Variants in RASIP1 observed in about 807,000 individuals in gnomAD.
RASIP1 encodes the protein ras-interacting protein 1.
In RASIP1, 20 loss-of-function variants were observed where a neutral mutation model predicts 85.3. That is an observed-to-expected ratio of 0.23 (90% confidence interval 0.17 to 0.34). The LOEUF (loss-of-function observed/expected upper bound fraction) is 0.34, where lower values mean the gene tolerates loss of function less well. Among genes scored for constraint, RASIP1 ranks in the 10% least tolerant of loss-of-function variants. RASIP1 has a pLI of 1.00. For missense variants in RASIP1, 1,170 were observed against 1,390.9 expected (o/e 0.84, Z 2.53); for synonymous variants, 617 against 647.1 (o/e 0.95, Z 0.71).
At chr19:48,729,931 T>C (rs1386167555) in intron 4 of RASIP1, among the ~76,000 whole-genome samples, 1 of 151,772 alleles carries the variant, frequency 6.6e-6, no homozygotes, top group Non-Finnish European at 1.5e-5. Context: ...GCCAGGCTGG[T>C]CTTAAACTCC....
chr19:48,730,150 C>T (rs996226332), intron 4 of RASIP1, among the ~76,000 whole-genome samples: 1 of 151,502 alleles, frequency 6.6e-6, no homozygotes, highest in African/African-American at 2.4e-5. Context: ...TCCCGAAGAC[C>T]GGCTATGTAC....
Position 48,740,130 on chromosome 19 carries a change from C to A in RASIP1, c.137+16G>T. On this transcript the variant is annotated intron_variant, in intron 2 of 11. Coordinates refer to ENST00000222145, the MANE Select transcript of RASIP1 (RefSeq NM_017805.3). The surrounding 1 kb of genome is among the most constrained non-coding windows in gnomAD (Gnocchi z 5.5). ...CAGGTGTGCAGGGGCAGGAGTCCTG[C>A]AGAGATGGCACTCACTTGACAGAGG... 1 of 1,579,580 alleles carries A rather than the reference C, an allele frequency of 6.3e-7. No homozygotes were observed. The highest frequency in any genetic ancestry group is 8.6e-7 in the Non-Finnish European group (1 of 1,167,076).
rs763957369 is a variant in RASIP1 at position 48,735,448 on chromosome 19, T to C, written c.927A>G (p.Pro309=). The part of the protein sequence containing the change: ...SPGPGTGSGA[P]AGSGGKERSE... ...AGCGCTCCTTGCCTCCAGACCCAGCTGGGGCCCCTGATCCGGTCCCCGGGC... is the reference window on the plus strand; with the variant it reads ...AGCGCTCCTTGCCTCCAGACCCAGCCGGGGCCCCTGATCCGGTCCCCGGGC... The change falls in exon 4 of 12, where the codon CCA becomes CCG. Residue 309 remains proline, a synonymous_variant. Transcript: ENST00000222145. 126 of 1,597,884 alleles carry C rather than the reference T, an allele frequency of 7.9e-5. No individual in the cohort carries two copies. In the Admixed American group the frequency reaches 2.0e-3, roughly 25 times the overall value.
chr19:48,731,472 G>A (rs756488916), intron 4 of RASIP1, among the ~76,000 whole-genome samples: 11 of 152,080 alleles, frequency 7.2e-5, no homozygotes, highest in Non-Finnish European at 1.3e-4. Flanking sequence ...GGGCTCTTCT[G>A]GTCATTCCAC....
intron 3 of RASIP1, 100 bp from the exon 4 acceptor site, chr19:48,735,651 G>A: frequency 8.5e-7 from 1 of 1,175,670 alleles, no homozygotes; most frequent in Non-Finnish European, 1.2e-6. Context: ...GAGAGGTGAG[G>A]CTGCTTCCCA....
Position 48,740,095 on chromosome 19 carries a change from A to G in RASIP1, c.137+51T>C, listed in dbSNP as rs1422580461. The G allele has an allele frequency of 2.0e-6, 3 of 1,519,310 alleles. No homozygotes were observed. Among genetic ancestry groups the G allele is most frequent in the Admixed American group, 4.6e-5 (2 of 43,828 alleles). The allele number at this position is 1,519,310 out of a possible 1,614,324, so 94.1% of individuals were successfully genotyped here. On this transcript the variant is annotated intron_variant, in intron 2 of 11. Coordinates refer to ENST00000222145, the MANE Select transcript of RASIP1 (RefSeq NM_017805.3). The surrounding 1 kb of genome is among the most constrained non-coding windows in gnomAD (Gnocchi z 5.5). ...CAGGGACTGGGCAGTGAACAGGGAC[A>G]GATGGGAAGCAGGTGTGCAGGGGCA...
Position 48,739,735 on chromosome 19 carries a change from G to A in RASIP1, c.138-90C>T, listed in dbSNP as rs1599752260. The A allele has an allele frequency of 3.2e-6, 4 of 1,234,130 alleles. No homozygotes were observed. The African/African-American group carries it at 4.9e-5, about 15-fold the overall frequency. The allele number at this position is 1,234,130 out of a possible 1,614,324, so 76.4% of individuals were successfully genotyped here. A position where few individuals can be genotyped will look rare whatever the true frequency, so the allele number is the denominator to read the frequency against. ...TGGGGGCATATTAGGAGGGAAGTGGGCAGAGACCCAGAGGGAGGACAGGGA... is the reference window on the plus strand; with the variant it reads ...TGGGGGCATATTAGGAGGGAAGTGGACAGAGACCCAGAGGGAGGACAGGGA... On this transcript the variant is annotated intron_variant, in intron 2 of 11. Coordinates refer to ENST00000222145, the MANE Select transcript of RASIP1 (RefSeq NM_017805.3). This position sits in a 1 kb window ranked among gnomAD's most constrained non-coding sequence, Gnocchi z 9.2.
intron 8 of RASIP1, 71 bp from the exon 9 acceptor site, chr19:48,725,031 TGAA>T: frequency 6.5e-7 from 1 of 1,544,154 alleles, no homozygotes; most frequent in Non-Finnish European, 8.8e-7. Context: ...TAATAGAGCA[TGAA>T]GATAGTGGGG....
chr19:48,731,435 A>C (rs463631), intron 4 of RASIP1, among the ~76,000 whole-genome samples: 1 of 152,186 alleles, frequency 6.6e-6, no homozygotes, highest in South Asian at 2.1e-4. Flanking sequence ...CCCAAAAAGG[A>C]CATCTCCAAA....
At chr19:48,721,093 A>G in intron 11 of RASIP1, 96 bp from the exon 12 acceptor site, 2 of 1,089,920 alleles carry the variant, frequency 1.8e-6, no homozygotes, top group East Asian at 2.6e-5. Flanking sequence ...AAAGGAAGAA[A>G]AAAACTACAA....
rs770731549 is a variant in RASIP1, at chr19:48,729,396, G to A, written c.1374C>T (p.Val458=). The A allele has an allele frequency of 6.4e-7, 1 of 1,555,984 alleles. No homozygotes were observed. The highest frequency in any genetic ancestry group is 8.7e-7 in the Non-Finnish European group (1 of 1,150,110). ...GCAGCAGGAGGCACCCGTTGTGCGTGACTGGGGCGCCCCGGGACGGGCGCA... is the reference window on the plus strand; with the variant it reads ...GCAGCAGGAGGCACCCGTTGTGCGTAACTGGGGCGCCCCGGGACGGGCGCA... ...AMVRPSRGAP[V]THNGCLLLRE... The change falls in exon 5 of 12, where the codon GTC becomes GTT. Residue 458 remains valine (V), a synonymous_variant. Transcript: ENST00000222145.
In RASIP1 at chr19:48,739,047, G is replaced by A. The variant is rs1307415778; in HGVS notation, c.736C>T (p.Pro246Ser). Reference sequence around the variant, plus strand: ...AACTCGAAGCGCCGCGCCCAGCCGGGCCGCGCCCGCCACAGCTCCTGCACC... The same window carrying A: ...AACTCGAAGCGCCGCGCCCAGCCGGACCGCGCCCGCCACAGCTCCTGCACC... Reference protein sequence around the residue: ...LLVQELWRARPGWARRFELRG... With the variant: ...LLVQELWRARSGWARRFELRG... Residue 246 changes from proline to serine, a missense_variant, in exon 3 of 12, where the codon CCC becomes TCC. Around this residue, in one of 4 missense-constraint regions of RASIP1, gnomAD observed 299 missense variants for 394.4 expected, o/e 0.76. Coordinates refer to ENST00000222145, the MANE Select transcript of RASIP1 (RefSeq NM_017805.3). The surrounding 1 kb of genome is among the most constrained non-coding windows in gnomAD (Gnocchi z 9.2). 8.0e-7 allele frequency: 1 copy of A among 1,248,876 alleles called. No homozygotes were observed. The highest frequency in any genetic ancestry group is 3.1e-5 in the South Asian group (1 of 31,966). The allele number at this position is 1,248,876 out of a possible 1,614,324, so 77.4% of individuals were successfully genotyped here.
intron 11 of RASIP1, 63 bp downstream of exon 11, chr19:48,721,791 A>G (rs2033251498): frequency 3.3e-6 from 5 of 1,526,834 alleles, no homozygotes; most frequent in Non-Finnish European, 3.5e-6. Flanking sequence ...TGACAGGGCG[A>G]GACTCCGTCT....
In RASIP1 at chr19:48,729,162, G is replaced by A. The variant is rs1001108060; in HGVS notation, c.1608C>T (p.Ala536=). The change falls in exon 5 of 12, where the codon GCC becomes GCT. Residue 536 remains alanine (A), a synonymous_variant. Transcript: ENST00000222145. ...GLQERGEALA[A]YLDGREPVLR... is the part of the protein sequence containing the mutation. ...GGACTGGCTCACGGCCGTCCAGGTAGGCGGCCAGTGCCTCGCCGCGCTCCT... is the reference window on the plus strand; with the variant it reads ...GGACTGGCTCACGGCCGTCCAGGTAAGCGGCCAGTGCCTCGCCGCGCTCCT... 15 of 1,307,974 alleles carry A rather than the reference G, an allele frequency of 1.1e-5. No individual in the cohort carries two copies. In the East Asian group the frequency reaches 2.6e-4, roughly 22 times the overall value. The allele number at this position is 1,307,974 out of a possible 1,614,324, so 81.0% of individuals were successfully genotyped here.
chr19:48,729,529 G>T lies in RASIP1; in HGVS notation c.1241C>A (p.Ser414Tyr). Residue 414 changes from serine to tyrosine, a missense_variant, in exon 5 of 12, where the codon TCT becomes TAT. Ser to Tyr is a moderately radical substitution (Grantham distance 144). Coordinates refer to ENST00000222145, the MANE Select transcript of RASIP1 (RefSeq NM_017805.3). ...QHVFGRGGNS[S>Y]GRGGSPAPYV... ...GGGAGCCGGGGACCCCCCGCGGCCA[G>T]ACGAGTTCCCACCTCGCCCAAACAC... is the stretch of plus-strand genomic sequence containing the variant. 6.2e-7 allele frequency: 1 copy of T among 1,601,292 alleles called. No individual in the cohort carries two copies. Among genetic ancestry groups the T allele is most frequent in the East Asian group, 2.3e-5 (1 of 44,112 alleles).
At position 48,738,963 on chromosome 19, in the gene RASIP1, C is replaced by T. The variant is rs1275811796; in HGVS notation, c.820G>A (p.Glu274Lys). The T allele has an allele frequency of 2.5e-6, 3 of 1,190,992 alleles. No individual in the cohort carries two copies. The highest frequency in any genetic ancestry group is 3.1e-6 in the Non-Finnish European group (3 of 963,144). The allele number at this position is 1,190,992 out of a possible 1,614,324, so 73.8% of individuals were successfully genotyped here. Residue 274 changes from glutamate to lysine, a missense_variant, in exon 3 of 12, where the codon GAA (glutamate) becomes AAA (lysine). Glu to Lys is a moderately conservative substitution (Grantham distance 56). Around this residue, in one of 4 missense-constraint regions of RASIP1, gnomAD observed 301 missense variants for 294.8 expected, o/e 1.02. Coordinates refer to ENST00000222145, the MANE Select transcript of RASIP1 (RefSeq NM_017805.3). The surrounding 1 kb of genome is among the most constrained non-coding windows in gnomAD (Gnocchi z 4.0). ...EQEAFGAADS[E>K]GTGAPSWRPQ... ...CAGAGCCCCGCCCGCCGCTCACCTT[C>T]GCTGTCCGCGGCCCCGAAGGCCTCC... is the stretch of plus-strand genomic sequence containing the variant.
intron 8 of RASIP1, 75 bp from the exon 9 acceptor site, chr19:48,725,035 G>A: frequency 6.5e-7 from 1 of 1,528,156 alleles, no homozygotes; most frequent in Middle Eastern, 1.8e-4. Flanking sequence ...AGAGCATGAA[G>A]ATAGTGGGGA....
At chr19:48,734,506 G>C (rs897344688) in intron 4 of RASIP1, among the ~76,000 whole-genome samples, 1 of 77,618 alleles carries the variant, frequency 1.3e-5, no homozygotes, top group Admixed American at 1.4e-4. Context: ...TTTTTTTTTT[G>C]AGACAGAGTC....
chr19:48,722,073 A>ATTTCAT, intron 10 of RASIP1, 72 bp from the exon 11 acceptor site: 1 of 1,323,296 alleles, frequency 7.6e-7, no homozygotes, highest in Non-Finnish European at 1.0e-6. Flanking sequence ...AAGGGCTTCC[A>ATTTCAT]TAAGGGGAGT....
Sources: gnomAD v4.1 joint callset for allele counts (sites outside exome capture counted in the v4.1 genomes callset) on GRCh38, gnomAD v4.1.1 for gene constraint, gnomAD v4.1.1 regional missense constraint, Gnocchi (gnomAD v3.1) non-coding constraint, MANE v1.5 for transcripts, NCBI Gene and HGNC (gene_info 2026-07-23, HGNC 2026-07-21) for gene names.